The following HEXD variants were observed in gnomAD, a reference collection of about 807,000 sequenced individuals.
HEXD encodes hexosaminidase D, also known as N-acetyl-beta-galactosaminidase.
A neutral mutation model predicts 54.2 loss-of-function variants in HEXD; 47 were observed. The observed-to-expected ratio is 0.87, with a 90% confidence interval of 0.69 to 1.11. The LOEUF (loss-of-function observed/expected upper bound fraction) is 1.11. Among genes scored for constraint, HEXD ranks in the 50% least tolerant of loss-of-function variants. The pLI, the probability that HEXD is intolerant of heterozygous loss-of-function variation, is 0.00. For missense variants in HEXD, 576 were observed against 649.2 expected (o/e 0.89, Z 1.23); for synonymous variants, 293 against 287.6 (o/e 1.02, Z -0.19).
chr17:82,434,964 G>T lies in HEXD; in HGVS notation c.448-725G>T, dbSNP rs1050994172. On this transcript the variant is annotated intron_variant, in intron 5 of 12. Coordinates refer to ENST00000327949, the MANE Select transcript of HEXD (RefSeq NM_001330542.2). The surrounding 1 kb of genome is among the most constrained non-coding windows in gnomAD (Gnocchi z 4.5). The stretch of plus-strand genomic sequence containing the variant: ...AGTTCAAGATCAGCCTGGCCAACAT[G>T]GTGAAACCCCGTCTCTACTAAAAAT... Among the ~76,000 whole-genome samples, 1 of 151,722 alleles carries T rather than the reference G, an allele frequency of 6.6e-6. No individual in the cohort carries two copies. The highest frequency in any genetic ancestry group is 2.4e-5 in the African/African-American group (1 of 41,270).
intron 11 of HEXD, 111 bp from the exon 12 acceptor site, chr17:82,441,689 A>C (rs1254444411): frequency 3.5e-6 from 3 of 861,932 alleles, no homozygotes; most frequent in Non-Finnish European, 2.0e-6. Flanking sequence ...TCTGGGGGAC[A>C]TAAGACTTAG....
intron 2 of HEXD, among the ~76,000 whole-genome samples, chr17:82,422,465 C>T (rs1484058681): frequency 6.6e-6 from 1 of 150,890 alleles, no homozygotes; most frequent in Non-Finnish European, 1.5e-5. Flanking sequence ...CCACTGCACT[C>T]CAGCCTGGGC....
intron 9 of HEXD, chr17:82,440,281 C>T (rs911989301): frequency 7.6e-5 from 97 of 1,283,222 alleles, no homozygotes; most frequent in Non-Finnish European, 9.2e-5. Flanking sequence ...ATGGCCGAGA[C>T]GCGCGGAGAG....
intron 2 of HEXD, among the ~76,000 whole-genome samples, chr17:82,422,058 C>T (rs1020064907): frequency 2.0e-5 from 3 of 150,622 alleles, no homozygotes; most frequent in Admixed American, 1.3e-4. Context: ...TCCTGCTACT[C>T]GAGAGGCTGA....
intron 2 of HEXD, among the ~76,000 whole-genome samples, chr17:82,420,966 C>T (rs985227133): frequency 1.3e-5 from 2 of 152,138 alleles, no homozygotes; most frequent in African/African-American, 4.8e-5. Context: ...TCCCAAACTA[C>T]AAGTGGGTGG....
chr17:82,428,516 G>A (rs753894580), intron 3 of HEXD, 42 bp from the exon 4 acceptor site: 1 of 1,576,736 alleles, frequency 6.3e-7, no homozygotes, highest in South Asian at 1.1e-5. Context: ...GAAGTCACGT[G>A]CTGCTCACAT....
intron 9 of HEXD, chr17:82,440,081 G>T (rs1162806830): frequency 1.5e-6 from 2 of 1,294,000 alleles, no homozygotes; most frequent in South Asian, 1.2e-5. Context: ...GGCCCTGGAA[G>T]GCCCCGCACC....
chr17:82,419,652 A>C, intron 1 of HEXD, 97 bp from the exon 2 acceptor site: 1 of 534,476 alleles, frequency 1.9e-6, no homozygotes, highest in Non-Finnish European at 3.4e-6. Context: ...TAATCTATCA[A>C]AACTGGCCAG....
At chr17:82,432,935 G>A (rs191571868) in intron 4 of HEXD, among the ~76,000 whole-genome samples, 132 of 145,232 alleles carry the variant, frequency 9.1e-4, no homozygotes, top group Middle Eastern at 3.6e-3. Context: ...GCGTGGTGGC[G>A]GGCGCCTGTA....
intron 9 of HEXD, chr17:82,440,528 C>T (rs1232722281): frequency 9.6e-5 from 32 of 333,272 alleles, no homozygotes; most frequent in Non-Finnish European, 2.2e-5. Flanking sequence ...TCCCTCCTGC[C>T]CTCTGGCCGT....
Position 82,418,407 on chromosome 17 carries a change from G to C in HEXD, c.-385G>C. The C allele has an allele frequency of 6.8e-7, 1 of 1,475,276 alleles. No homozygotes were observed. The highest frequency in any genetic ancestry group is 8.9e-7 in the Non-Finnish European group (1 of 1,118,018). The allele number at this position is 1,475,276 out of a possible 1,614,324, so 91.4% of individuals were successfully genotyped here. A position where few individuals can be genotyped will look rare whatever the true frequency, so the allele number is the denominator to read the frequency against. ...AGCGCGCGCCCTTCCCCTCCTCACCGCTACCTGCTCCGGTTCCGGCGCTCG... is the reference window on the plus strand; with the variant it reads ...AGCGCGCGCCCTTCCCCTCCTCACCCCTACCTGCTCCGGTTCCGGCGCTCG... On this transcript the variant is annotated 5_prime_UTR_variant, in exon 1 of 13. Transcript: ENST00000327949.
intron 9 of HEXD, chr17:82,439,949 G>T: frequency 6.6e-7 from 1 of 1,505,034 alleles, no homozygotes; most frequent in Non-Finnish European, 8.9e-7. Flanking sequence ...TGACGCGGGA[G>T]GCACCCCTCA....
At chr17:82,432,174 G>A (rs770358822) in intron 4 of HEXD, among the ~76,000 whole-genome samples, 1 of 152,192 alleles carries the variant, frequency 6.6e-6, no homozygotes, top group Non-Finnish European at 1.5e-5. Context: ...TGGGCGGTGG[G>A]GGGTGCATCC....
At chr17:82,440,803 C>T (rs542886165) in intron 9 of HEXD, among the ~76,000 whole-genome samples, 194 bp from the exon 10 acceptor site, 6 of 152,344 alleles carry the variant, frequency 3.9e-5, no homozygotes, top group Admixed American at 2.0e-4. Flanking sequence ...ACGTATTTCA[C>T]GTGTTTAAAG....
intron 9 of HEXD, chr17:82,440,245 T>C: frequency 2.3e-6 from 3 of 1,288,636 alleles, no homozygotes; most frequent in Non-Finnish European, 3.0e-6. Flanking sequence ...AATTAGCGAC[T>C]GCGTGGTGCT....
In HEXD at chr17:82,419,795, T is replaced by C. The variant is rs755574839; in HGVS notation, c.-5T>C. On this transcript the variant is annotated 5_prime_UTR_variant, in exon 2 of 13. Coordinates refer to ENST00000327949, the MANE Select transcript of HEXD (RefSeq NM_001330542.2). ...TCGCCATAGGAGTTCACAGGAAATATTGAAATGTCAGGTTCCACTCCATTT... is the reference window on the plus strand; with the variant it reads ...TCGCCATAGGAGTTCACAGGAAATACTGAAATGTCAGGTTCCACTCCATTT... 1.2e-5 allele frequency: 19 copies of C among 1,593,902 alleles called. No homozygotes were observed. Among genetic ancestry groups the C allele is most frequent in the South Asian group, 3.3e-5 (3 of 90,560 alleles).
In HEXD at chr17:82,419,868, C is replaced by G. The variant is rs771094745; in HGVS notation, c.69C>G (p.Val23=). The G allele has an allele frequency of 1.2e-6, 2 of 1,607,630 alleles. No individual in the cohort carries two copies. Among genetic ancestry groups the G allele is most frequent in the Non-Finnish European group, 1.7e-6 (2 of 1,174,274 alleles). The change falls in exon 2 of 13, where the codon GTC becomes GTG. Residue 23 remains valine, a synonymous_variant. Transcript: ENST00000327949. ...ACCTTAAAGGAGCTCCACCAAAGGT[C>G]TCGTACCTCTCAGAGGTAAGGACTC... ...HLDLKGAPPK[V]SYLSEIFPLF... is the part of the protein sequence containing the mutation.
At chr17:82,426,345 G>C (rs989186554) in intron 3 of HEXD, 30 of 151,676 alleles carry the variant, frequency 2.0e-4, no homozygotes, top group African/African-American at 7.0e-4. Context: ...GATGTTCCTG[G>C]GCCGTGTGGT....
At chr17:82,440,092 C>A in intron 9 of HEXD, 1 of 1,299,088 alleles carries the variant, frequency 7.7e-7, no homozygotes, top group Non-Finnish European at 1.0e-6. Context: ...GCCCCGCACC[C>A]TGGACCCAGC....
Sources: gnomAD v4.1 joint callset for allele counts (sites outside exome capture counted in the v4.1 genomes callset) on GRCh38, gnomAD v4.1.1 for gene constraint, Gnocchi (gnomAD v3.1) non-coding constraint, MANE v1.5 for transcripts, NCBI Gene and HGNC (gene_info 2026-07-23, HGNC 2026-07-21) for gene names.